Variants in GLYATL1 observed in about 807,000 individuals in gnomAD.
GLYATL1 encodes the protein glycine N-acyltransferase-like protein 1.
In GLYATL1, 15 loss-of-function variants were observed where a neutral mutation model predicts 20.0. The observed-to-expected ratio is 0.75, with a 90% confidence interval of 0.50 to 1.15. The LOEUF is 1.15. Ranked by LOEUF, GLYATL1 falls within the 50% of genes most tolerant of loss-of-function variation. The pLI is 0.00. For missense variants in GLYATL1, 380 were observed against 368.5 expected, an observed-to-expected ratio of 1.03 and a Z score of -0.26; for synonymous variants, 151 against 131.5, an observed-to-expected ratio of 1.15 and a Z score of -1.01.
At chr11:58,937,666 C>A (rs369195774), upstream of GLYATL1, among the ~76,000 whole-genome samples, 1 of 152,100 alleles carries the variant, frequency 6.6e-6, no homozygotes, top group African/African-American at 2.4e-5. Context: ...ATTTTATTAT[C>A]CCTAGGAGGC....
downstream of GLYATL1, among the ~76,000 whole-genome samples, chr11:58,909,875 G>C (rs931106022): frequency 6.6e-6 from 1 of 152,180 alleles, no homozygotes; most frequent in Non-Finnish European, 1.5e-5. Flanking sequence ...TCTTAATTCA[G>C]TTTTATACAA....
rs1021656239 is a variant in GLYATL1, at chr11:58,947,858, G to C, written c.79G>C (p.Val27Leu). The change falls in exon 4 of 7, where the codon GTG becomes CTG. Residue 27 changes from valine (V) to leucine (L), a missense_variant and splice_region_variant. Transcript: ENST00000532726. ...LARSIPESLK[V>L]YGSVYHINHG... ...CTGGTCCCTTTCATCCCTCCTTCAG[G>C]TGTATGGCTCTGTGTATCACATCAA... The C allele has an allele frequency of 2.5e-6, 4 of 1,606,482 alleles. No individual in the cohort carries two copies. The highest frequency in any genetic ancestry group is 3.4e-6 in the Non-Finnish European group (4 of 1,173,232).
chr11:58,905,758 G>GGGGGGGGCC, intron 1 of GLYATL1: 2 of 27,562 alleles, frequency 7.3e-5, no homozygotes, highest in Non-Finnish European at 7.0e-5. Context: ...GGGCGGGTGG[G>GGGGGGGGCC]CGCGCAGTCC....
At chr11:58,952,135 C>A (rs1270392411) in intron 4 of GLYATL1, among the ~76,000 whole-genome samples, 1 of 152,092 alleles carries the variant, frequency 6.6e-6, no homozygotes, top group East Asian at 1.9e-4. Context: ...TCTGTATTTG[C>A]AGGTTTAGAG....
intron 1 of GLYATL1, among the ~76,000 whole-genome samples, chr11:58,929,805 G>T (rs994226918): frequency 6.6e-6 from 1 of 152,148 alleles, no homozygotes; most frequent in African/African-American, 2.4e-5. Flanking sequence ...TAAACTCATT[G>T]GCTTCCCTGA....
intron 4 of GLYATL1, among the ~76,000 whole-genome samples, chr11:58,953,390 G>GTTTTTTTTTT (rs377318573): frequency 9.0e-6 from 1 of 110,970 alleles, no homozygotes. Context: ...CTTACAGTCT[G>GTTTTTTTTTT]TTTTTTTTTT....
At position 58,955,245 on chromosome 11, in the gene GLYATL1, C is replaced by T. The variant is rs1309586961; in HGVS notation, c.383C>T (p.Ser128Leu). 4.3e-6 allele frequency: 7 copies of T among 1,613,854 alleles called. No homozygotes were observed. The highest frequency in any genetic ancestry group is 4.5e-5 in the East Asian group (2 of 44,882). Residue 128 changes from serine to leucine, a missense_variant, in exon 6 of 7, where the codon TCG becomes TTG. By Grantham distance (145) the Ser-to-Leu change is moderately radical. Coordinates refer to ENST00000532726, the MANE Select transcript of GLYATL1 (RefSeq NM_001389712.2). ...TFSKSVKVEHSRALLLVTEDI... is the reference protein window; with the variant it reads ...TFSKSVKVEHLRALLLVTEDI... ...TCAAAGTCAGTGAAAGTAGAGCATT[C>T]GAGAGCACTCCTCTTGGTTACGGAA... is the stretch of plus-strand genomic sequence containing the variant.
chr11:58,943,987 G>GA (rs749324436), intron 2 of GLYATL1, among the ~76,000 whole-genome samples: 141 of 150,364 alleles, frequency 9.4e-4, no homozygotes, highest in Admixed American at 2.3e-3. Flanking sequence ...GCCTAGGTAG[G>GA]AAAAAAATCA....
At chr11:58,953,464 C>T in intron 4 of GLYATL1, among the ~76,000 whole-genome samples, 1 of 136,936 alleles carries the variant, frequency 7.3e-6, no homozygotes, top group South Asian at 2.5e-4. Context: ...AAGTTTATCT[C>T]TCTCTTTCTT....
chr11:58,918,929 G>C (rs1207953501), intron 1 of GLYATL1, among the ~76,000 whole-genome samples: 3 of 152,200 alleles, frequency 2.0e-5, no homozygotes, highest in African/African-American at 7.2e-5. Flanking sequence ...ACTCCTGGCT[G>C]GTCCACTTGT....
At chr11:58,905,552 A>G (rs990233194) in exon 1 of GLYATL1, 4 of 456,152 alleles carry the variant, frequency 8.8e-6, no homozygotes, top group African/African-American at 2.0e-5. Flanking sequence ...ACCGCCAGGC[A>G]TCTCCCATAC....
exon 2 of GLYATL1, chr11:58,907,732 A>T (rs962720422): frequency 5.0e-6 from 1 of 200,534 alleles, no homozygotes; most frequent in African/African-American, 2.3e-5. Context: ...GGTGCCAAAA[A>T]TTTTTACATT....
chr11:58,927,840 C>T (rs1445370499), intron 1 of GLYATL1: 1 of 152,218 alleles, frequency 6.6e-6, no homozygotes, highest in Non-Finnish European at 1.5e-5. Context: ...GTAAGACCTC[C>T]TTTTCCTCTC....
chr11:58,938,848 T>G (rs1855955889), upstream of GLYATL1, among the ~76,000 whole-genome samples: 1 of 152,172 alleles, frequency 6.6e-6, no homozygotes, highest in Admixed American at 6.5e-5. Flanking sequence ...GAGTCTGCTC[T>G]GGAACTGAAG....
At position 58,956,144 on chromosome 11, in the gene GLYATL1, T is replaced by A. The variant is rs1857406070; in HGVS notation, c.*117T>A. ...TGGGCACTTATAATACAGCAGGAACTCTTCTCACCTGGAGCCTTGATGTTA... is the reference window on the plus strand; with the variant it reads ...TGGGCACTTATAATACAGCAGGAACACTTCTCACCTGGAGCCTTGATGTTA... On this transcript the variant is annotated 3_prime_UTR_variant, in exon 7 of 7. Transcript: ENST00000532726. 3.7e-5 allele frequency: 32 copies of A among 870,350 alleles called. No individual in the cohort carries two copies. In the South Asian group the frequency reaches 5.6e-4, roughly 15 times the overall value. 53.9% of individuals were successfully genotyped at this position (870,350 alleles called of 1,614,324 possible).
At chr11:58,925,473 A>G (rs148025158), upstream of GLYATL1, among the ~76,000 whole-genome samples, 1,238 of 152,256 alleles carry the variant, frequency 8.1e-3, 16 homozygotes, top group South Asian at 0.05. Flanking sequence ...TTATATTAAT[A>G]ACTTTTTAAA....
chr11:58,947,133 T>C lies in GLYATL1; in HGVS notation c.46T>C (p.Ser16Pro). 6.2e-7 allele frequency: 1 copy of C among 1,613,996 alleles called. No individual in the cohort carries two copies. Among genetic ancestry groups the C allele is most frequent in the Non-Finnish European group, 8.5e-7 (1 of 1,179,920 alleles). Residue 16 changes from serine (S) to proline (P), a missense_variant, in exon 3 of 7, where the codon TCC (serine) becomes CCC (proline). Coordinates refer to ENST00000532726, the MANE Select transcript of GLYATL1 (RefSeq NM_001389712.2). ...NSHKLLALYK[S>P]LARSIPESLK... ...CCATAAGCTGCTGGCCCTATACAAA[T>C]CCTTGGCCAGGAGCATCCCTGAGTC...
upstream of GLYATL1, among the ~76,000 whole-genome samples, chr11:58,938,318 A>C (rs769873003): frequency 1.9e-4 from 29 of 152,194 alleles, no homozygotes; most frequent in Non-Finnish European, 3.2e-4. Context: ...TGTCTCTTCC[A>C]CCATGACCCC....
chr11:58,954,437 G>T (rs182166462), intron 4 of GLYATL1, among the ~76,000 whole-genome samples: 44 of 152,256 alleles, frequency 2.9e-4, no homozygotes, highest in Non-Finnish European at 3.1e-4. Flanking sequence ...ATAAAATAGG[G>T]TATGTGTGCA....
Sources: allele counts gnomAD v4.1 joint callset (sites outside exome capture counted in the v4.1 genomes callset), GRCh38; gene constraint gnomAD v4.1.1; transcripts MANE v1.5; gene names NCBI Gene and HGNC (gene_info 2026-07-23, HGNC 2026-07-21).